PTPRT: variants seen among roughly 807,000 people sequenced by gnomAD.
The protein encoded by PTPRT is receptor-type tyrosine-protein phosphatase T.
In PTPRT, 56 loss-of-function variants were observed where a neutral mutation model predicts 176.8. The observed-to-expected ratio is 0.32, with a 90% CI of 0.26 to 0.40. PTPRT has a LOEUF of 0.40. PTPRT is among the 10% of genes least tolerant of loss of function. The pLI is 1.00. For missense variants in PTPRT, 1,540 were observed against 1,908.2 expected, an observed-to-expected ratio of 0.81 and a Z score of 3.60; for synonymous variants, 783 against 739.0, an observed-to-expected ratio of 1.06 and a Z score of -0.96.
intron 12 of PTPRT, among the ~76,000 whole-genome samples, chr20:42,309,147 T>C (rs1486751142): frequency 6.6e-6 from 1 of 152,220 alleles, no homozygotes; most frequent in Non-Finnish European, 1.5e-5. Flanking sequence ...TCTGCATAAA[T>C]AGAACATGCA....
chr20:42,266,601 A>G (rs2056841948), intron 13 of PTPRT, among the ~76,000 whole-genome samples: 1 of 152,190 alleles, frequency 6.6e-6, no homozygotes. Flanking sequence ...ATTTTTCTCA[A>G]TATAAACATT....
At chr20:42,235,186 G>A (rs1193631540) in intron 15 of PTPRT, among the ~76,000 whole-genome samples, 1 of 152,098 alleles carries the variant, frequency 6.6e-6, no homozygotes, top group Non-Finnish European at 1.5e-5. Flanking sequence ...TTATCACCAA[G>A]GATCTACTGT....
intron 12 of PTPRT, among the ~76,000 whole-genome samples, chr20:42,298,196 A>T (rs1227685911): frequency 6.6e-6 from 1 of 152,248 alleles, no homozygotes; most frequent in African/African-American, 2.4e-5. Context: ...AGCAAAAGAC[A>T]TAAACAGGTA....
the PTPRT span, among the ~76,000 whole-genome samples, chr20:42,049,998 T>C: frequency 6.6e-6 from 1 of 152,248 alleles, no homozygotes; most frequent in African/African-American, 2.4e-5. Flanking sequence ...GCTCTGAGCA[T>C]ACCATCAGCA....
chr20:42,984,374 T>A (rs1600621805), intron 1 of PTPRT, among the ~76,000 whole-genome samples: 1 of 152,348 alleles, frequency 6.6e-6, no homozygotes, highest in Admixed American at 6.5e-5. Context: ...TGCTATTGTC[T>A]ATCACACAGA....
At chr20:42,465,395 C>T (rs6130142) in intron 8 of PTPRT, among the ~76,000 whole-genome samples, 10,902 of 152,114 alleles carry the variant, frequency 0.072, 509 homozygotes, top group Middle Eastern at 0.11. Flanking sequence ...TAGTAAATAA[C>T]GGAAACAACC....
At chr20:42,916,413 C>T (rs1321997463) in intron 1 of PTPRT, among the ~76,000 whole-genome samples, 4 of 152,160 alleles carry the variant, frequency 2.6e-5, no homozygotes, top group South Asian at 2.1e-4. Flanking sequence ...TGAATAGTGC[C>T]GCTATAAACA....
chr20:42,816,621 T>C (rs1041259317), intron 2 of PTPRT, among the ~76,000 whole-genome samples: 1 of 152,104 alleles, frequency 6.6e-6, no homozygotes, highest in Non-Finnish European at 1.5e-5. Context: ...ATGTGATGGT[T>C]TTAAAAGTGG....
At chr20:42,424,563 A>T (rs149129724) in intron 9 of PTPRT, among the ~76,000 whole-genome samples, 71 of 152,116 alleles carry the variant, frequency 4.7e-4, no homozygotes, top group African/African-American at 1.7e-3. Context: ...TTTGGGAATG[A>T]TTTACTCATT....
At position 42,791,228 on chromosome 20, in the gene PTPRT, G is replaced by A. The variant is rs140340339; in HGVS notation, c.453C>T (p.Leu151=). The change falls in exon 3 of 31, where the codon CTC becomes CTT. Residue 151 remains leucine (L), a synonymous_variant. Transcript: ENST00000373187. ...VVTEGWVKAE[L]AISTFWPHFY... Reference sequence around the variant, plus strand: ...AATGTGGCCAGAAAGTGCTGATGGCGAGCTCTGCCTTCACCCAGCCCTCAG... The same window carrying A: ...AATGTGGCCAGAAAGTGCTGATGGCAAGCTCTGCCTTCACCCAGCCCTCAG... The A allele has an allele frequency of 4.4e-6, 7 of 1,598,612 alleles. No individual in the cohort carries two copies. Among genetic ancestry groups the A allele is most frequent in the African/African-American group, 2.7e-5 (2 of 74,478 alleles).
chr20:42,941,990 T>C (rs1980582985), intron 1 of PTPRT, among the ~76,000 whole-genome samples: 1 of 150,462 alleles, frequency 6.6e-6, no homozygotes, highest in Non-Finnish European at 1.5e-5. Flanking sequence ...ATTCCTCCCA[T>C]TAAAAAAAAA....
chr20:43,159,622 G>C (rs114078177), intron 1 of PTPRT, among the ~76,000 whole-genome samples: 3,237 of 152,206 alleles, frequency 0.021, 127 homozygotes, highest in African/African-American at 0.074. Context: ...TTGCTCACAA[G>C]CCACACAGAA....
chr20:42,784,683 T>G (rs2077263509), intron 3 of PTPRT, among the ~76,000 whole-genome samples: 1 of 152,168 alleles, frequency 6.6e-6, no homozygotes, highest in Non-Finnish European at 1.5e-5. Flanking sequence ...TAAAGTCCAG[T>G]TGAACCAAAG....
Position 43,015,156 on chromosome 20 carries a change from G to A in PTPRT, c.89-129224C>T, listed in dbSNP as rs371953901. 3.9e-5 allele frequency among the ~76,000 whole-genome samples: 6 copies of A among 152,268 alleles called. No individual in the cohort carries two copies. The East Asian group carries it at 7.7e-4, about 20-fold the overall frequency. On this transcript the variant is annotated intron_variant, in intron 1 of 30. Coordinates refer to ENST00000373187, the MANE Select transcript of PTPRT (RefSeq NM_007050.6). Reference sequence around the variant, plus strand: ...ATGTTCTTTTAACTTGTACGCTAAGGCACTTGTATCTTAGAAAACAGAGAG... The same window carrying A: ...ATGTTCTTTTAACTTGTACGCTAAGACACTTGTATCTTAGAAAACAGAGAG...
At chr20:42,338,096 C>T (rs2058065203) in intron 11 of PTPRT, among the ~76,000 whole-genome samples, 1 of 152,120 alleles carries the variant, frequency 6.6e-6, no homozygotes, top group African/African-American at 2.4e-5. Context: ...ATTATGCATT[C>T]GTTATGGAGG....
chr20:42,262,379 C>G (rs940439956), intron 13 of PTPRT, among the ~76,000 whole-genome samples: 1 of 152,130 alleles, frequency 6.6e-6, no homozygotes, highest in South Asian at 2.1e-4. Context: ...ACGATTCCTG[C>G]CCCCAGCCCA....
chr20:42,847,166 C>T (rs951022188), intron 2 of PTPRT, among the ~76,000 whole-genome samples: 2 of 152,256 alleles, frequency 1.3e-5, no homozygotes, highest in Middle Eastern at 3.4e-3. Context: ...AGGTACAAAG[C>T]GGGCAAGGAC....
intron 23 of PTPRT, among the ~76,000 whole-genome samples, chr20:42,109,339 A>C (rs1986811390): frequency 6.6e-6 from 1 of 152,068 alleles, no homozygotes; most frequent in Admixed American, 6.6e-5. Flanking sequence ...AAGGAGGGGG[A>C]TGCCAGCTGG....
In PTPRT at chr20:42,362,103, A is replaced by T. The variant is rs552111421; in HGVS notation, c.1561-9818T>A. ...TAGCCAGACTCCATCTCCACAAAAA[A>T]TTTTTTTTAAAAAATAGCCAGGCAT... On this transcript the variant is annotated intron_variant, in intron 9 of 30. Coordinates refer to ENST00000373187, the MANE Select transcript of PTPRT (RefSeq NM_007050.6). Among the ~76,000 whole-genome samples the T allele has an allele frequency of 8.3e-4, 126 of 152,064 alleles. 1 individual carries two copies. The highest frequency in any genetic ancestry group is 8.1e-3 in the South Asian group (39 of 4,822).
Sources: gnomAD v4.1 joint callset for allele counts (sites outside exome capture counted in the v4.1 genomes callset) on GRCh38, gnomAD v4.1.1 for gene constraint, MANE v1.5 for transcripts, NCBI Gene and HGNC (gene_info 2026-07-23, HGNC 2026-07-21) for gene names.